The following CALCR variants were observed in gnomAD, a reference collection of about 807,000 sequenced individuals.
The protein encoded by CALCR is calcitonin receptor.
Under a neutral mutation model 59.5 loss-of-function variants are expected in CALCR, and 47 were observed. That is an observed-to-expected ratio of 0.79 (90% CI 0.63 to 1.01). The LOEUF is 1.01. Among genes scored for constraint, CALCR ranks in the 50% least tolerant of loss-of-function variants. The pLI, the probability that CALCR is intolerant of heterozygous loss-of-function variation, is 0.00. For missense variants in CALCR, 566 were observed against 597.1 expected, an observed-to-expected ratio of 0.95 and a Z score of 0.54; for synonymous variants, 213 against 211.3, an observed-to-expected ratio of 1.01 and a Z score of -0.07.
At chr7:93,434,373 C>A in intron 12 of CALCR, 79 bp from the exon 13 acceptor site, 1 of 860,792 alleles carries the variant, frequency 1.2e-6, no homozygotes, top group South Asian at 1.5e-5. Flanking sequence ...AATAGACTGC[C>A]CAGAGAAGGC....
chr7:93,558,022 G>C (rs947569068), intron 2 of CALCR, among the ~76,000 whole-genome samples: 2 of 151,634 alleles, frequency 1.3e-5, no homozygotes, highest in South Asian at 4.2e-4. Context: ...GGGAAATGTC[G>C]CCTTGTCTTT....
intron 3 of CALCR, among the ~76,000 whole-genome samples, chr7:93,483,171 G>T (rs554720477): frequency 6.6e-6 from 1 of 151,712 alleles, no homozygotes; most frequent in South Asian, 2.1e-4. Flanking sequence ...ATATAAAATG[G>T]TGTAGTATTT....
chr7:93,529,246 T>G (rs543644900), intron 2 of CALCR, among the ~76,000 whole-genome samples: 9 of 152,152 alleles, frequency 5.9e-5, no homozygotes, highest in Middle Eastern at 6.8e-3. Flanking sequence ...AGTGATGAGT[T>G]CTTGTGAGAT....
Position 93,479,537 on chromosome 7 carries a change from T to G in CALCR, c.52-30A>C, listed in dbSNP as rs369480777. Reference sequence around the variant, plus strand: ...ATTAAAAAGAAAAATCAGTTACTTATAGACAGGAGGAATGGGTGAGCACAA... The same window carrying G: ...ATTAAAAAGAAAAATCAGTTACTTAGAGACAGGAGGAATGGGTGAGCACAA... On this transcript the variant is annotated intron_variant, in intron 3 of 13. Transcript: ENST00000426151. 2.8e-4 allele frequency: 450 copies of G among 1,595,196 alleles called. 4 individuals carry two copies. Among genetic ancestry groups the G allele is most frequent in the South Asian group, 2.5e-3 (218 of 88,588 alleles).
At position 93,538,366 on chromosome 7, in the gene CALCR, G is replaced by C. The variant is rs994128298; in HGVS notation, c.-27+35923C>G. On this transcript the variant is annotated intron_variant, in intron 2 of 13. Coordinates refer to ENST00000426151, the MANE Select transcript of CALCR (RefSeq NM_001742.4). Reference sequence around the variant, plus strand: ...TAGTGTGAAGAAGTATTTATTTCCTGTCTCAATTTCTTCTGCTATAGTTTT... The same window carrying C: ...TAGTGTGAAGAAGTATTTATTTCCTCTCTCAATTTCTTCTGCTATAGTTTT... Among the ~76,000 whole-genome samples, 6 of 151,918 alleles carry C rather than the reference G, an allele frequency of 3.9e-5. No homozygotes were observed. The East Asian group carries it at 1.2e-3, about 29-fold the overall frequency.
intron 8 of CALCR, among the ~76,000 whole-genome samples, chr7:93,451,279 T>G (rs1800104053): frequency 6.6e-6 from 1 of 151,964 alleles, no homozygotes; most frequent in Non-Finnish European, 1.5e-5. Flanking sequence ...CATAAGCACT[T>G]TTTCTCATAA....
rs371909981 is a variant in CALCR at position 93,505,711 on chromosome 7, C to A, written c.-26-18704G>T. On this transcript the variant is annotated intron_variant, in intron 2 of 13. Coordinates refer to ENST00000426151, the MANE Select transcript of CALCR (RefSeq NM_001742.4). Reference sequence around the variant, plus strand: ...TCTACAAAATAGGATAAAAAGAGAACCTCTCTCGTGCAAAATAGGAGGCAA... The same window carrying A: ...TCTACAAAATAGGATAAAAAGAGAAACTCTCTCGTGCAAAATAGGAGGCAA... 4.6e-5 allele frequency among the ~76,000 whole-genome samples: 7 copies of A among 152,194 alleles called. No homozygotes were observed. In the East Asian group the frequency reaches 9.7e-4, roughly 21 times the overall value.
chr7:93,457,234 C>T (rs544624640), intron 8 of CALCR, among the ~76,000 whole-genome samples: 17 of 152,272 alleles, frequency 1.1e-4, no homozygotes, highest in African/African-American at 3.8e-4. Flanking sequence ...ACCTTGTGAG[C>T]AATCACTTGT....
intron 3 of CALCR, among the ~76,000 whole-genome samples, chr7:93,483,293 A>C (rs1800841848): frequency 6.6e-6 from 1 of 151,638 alleles, no homozygotes; most frequent in African/African-American, 2.4e-5. Flanking sequence ...TATTTAGGAA[A>C]TAATAAAAAG....
intron 2 of CALCR, among the ~76,000 whole-genome samples, chr7:93,528,478 C>T (rs145422253): frequency 6.6e-6 from 1 of 152,072 alleles, no homozygotes; most frequent in African/African-American, 2.4e-5. Context: ...CATCCTGTGT[C>T]CAAGTGTTCT....
intron 8 of CALCR, among the ~76,000 whole-genome samples, chr7:93,460,572 AATATATATATATATATAT>A (rs57481670): frequency 1.5e-5 from 1 of 66,542 alleles, no homozygotes; most frequent in Non-Finnish European, 2.5e-5. Flanking sequence ...AAAAAAAAAA[AATATATATATATATATAT>A]ATGTATATAT....
intron 2 of CALCR, among the ~76,000 whole-genome samples, chr7:93,573,517 T>C (rs919641666): frequency 1.3e-5 from 2 of 152,266 alleles, no homozygotes; most frequent in African/African-American, 4.8e-5. Context: ...TGTCACATAG[T>C]ATTAGGTTAA....
intron 2 of CALCR, among the ~76,000 whole-genome samples, chr7:93,550,581 C>A (rs979748642): frequency 7.9e-6 from 1 of 126,082 alleles, no homozygotes; most frequent in Non-Finnish European, 1.6e-5. Context: ...TATAACCAAG[C>A]ATTTCCATTT....
At chr7:93,448,437 G>A (rs1446631204) in intron 8 of CALCR, among the ~76,000 whole-genome samples, 1 of 151,852 alleles carries the variant, frequency 6.6e-6, no homozygotes, top group East Asian at 1.9e-4. Context: ...AGCTCTTTTG[G>A]TTTTTCAAAA....
rs753381450 is a variant in CALCR at position 93,426,511 on chromosome 7, G to A, written c.1270C>T (p.Arg424Cys). 5 of 1,613,610 alleles carry A rather than the reference G, an allele frequency of 3.1e-6. No homozygotes were observed. The highest frequency in any genetic ancestry group is 2.7e-5 in the African/African-American group (2 of 74,908). Reference sequence around the variant, plus strand: ...GCAGCGGCTGCAGCGCGAGCAGAGCGGTTGGAGGGGCGCCTCCCCCAACGC... The same window carrying A: ...GCAGCGGCTGCAGCGCGAGCAGAGCAGTTGGAGGGGCGCCTCCCCCAACGC... The part of the protein sequence containing the change: ...NQRWGRRPSN[R>C]SARAAAAAAE... Residue 424 changes from arginine (R) to cysteine (C), a missense_variant, in exon 14 of 14, where the codon CGC becomes TGC. Coordinates refer to ENST00000426151, the MANE Select transcript of CALCR (RefSeq NM_001742.4).
intron 2 of CALCR, among the ~76,000 whole-genome samples, chr7:93,571,616 A>G (rs900589686): frequency 2.6e-5 from 4 of 152,162 alleles, no homozygotes; most frequent in African/African-American, 9.6e-5. Context: ...TTATCTCTAA[A>G]TAAATGCTGC....
rs575446294 is a variant in CALCR, at chr7:93,481,090, C to T, written c.52-1583G>A. Among the ~76,000 whole-genome samples the T allele has an allele frequency of 1.1e-3, 172 of 151,778 alleles. 2 individuals carry two copies. The South Asian group carries it at 0.015, about 13-fold the overall frequency. On this transcript the variant is annotated intron_variant, in intron 3 of 13. Transcript: ENST00000426151. ...CCTAGGAAACGTAAAATAAGAAGAG[C>T]GGTAAGAATAATATTTATCATCTGT...
chr7:93,435,735 G>A (rs1799758223), intron 12 of CALCR, among the ~76,000 whole-genome samples: 2 of 151,806 alleles, frequency 1.3e-5, no homozygotes, highest in South Asian at 4.2e-4. Flanking sequence ...GAGCCCGGGA[G>A]ATGGAGGTTG....
chr7:93,526,291 A>G (rs1478042169), intron 2 of CALCR, among the ~76,000 whole-genome samples: 1 of 152,104 alleles, frequency 6.6e-6, no homozygotes, highest in Admixed American at 6.6e-5. Flanking sequence ...ATGAGATACC[A>G]TTTCCTTTGT....
Sources: allele counts gnomAD v4.1 joint callset (sites outside exome capture counted in the v4.1 genomes callset), GRCh38; gene constraint gnomAD v4.1.1; transcripts MANE v1.5; gene names NCBI Gene and HGNC (gene_info 2026-07-23, HGNC 2026-07-21).